The following SPOCK3 variants were observed in gnomAD, a reference collection of about 807,000 sequenced individuals.
SPOCK3 encodes the protein testican-3.
SPOCK3 carries 30 observed loss-of-function variants against 56.6 expected under a neutral mutation model. The ratio of observed to expected loss-of-function variants is 0.53; its 90% CI spans 0.40 to 0.72. The LOEUF is 0.72. Ranked by LOEUF, SPOCK3 falls within the 30% of genes least tolerant of loss-of-function variation. The probability of loss-of-function intolerance (pLI) is 0.00; values close to 1 mark genes in which losing one functional copy is unlikely to be tolerated. For synonymous variants in SPOCK3, 196 were observed against 183.3 expected (o/e 1.07, Z -0.56); for missense variants, 527 against 530.0 (o/e 0.99, Z 0.06).
chr4:166,872,959 G>A (rs1012448690), intron 6 of SPOCK3, among the ~76,000 whole-genome samples: 4 of 152,096 alleles, frequency 2.6e-5, no homozygotes, highest in Non-Finnish European at 4.4e-5. Context: ...AGGAACAGGG[G>A]AAGGCAGAGT....
chr4:167,014,441 C>CTCAA (rs1750402715), intron 3 of SPOCK3, among the ~76,000 whole-genome samples: 1 of 151,876 alleles, frequency 6.6e-6, no homozygotes, highest in Admixed American at 6.6e-5. Context: ...AGGCCTGGAG[C>CTCAA]TCAAGACTAG....
chr4:166,740,514 A>C (rs1734722728), intron 9 of SPOCK3, among the ~76,000 whole-genome samples: 1 of 62,454 alleles, frequency 1.6e-5, no homozygotes, highest in Admixed American at 1.4e-4. Flanking sequence ...TATTATTATT[A>C]TTATTATTAT....
At chr4:167,191,416 G>A (rs1389010291) in intron 2 of SPOCK3, among the ~76,000 whole-genome samples, 5 of 145,192 alleles carry the variant, frequency 3.4e-5, no homozygotes, top group African/African-American at 5.3e-5. Flanking sequence ...TCCAATCTAC[G>A]AATATATCCA....
intron 8 of SPOCK3, among the ~76,000 whole-genome samples, chr4:166,745,252 C>A (rs537437463): frequency 2.2e-5 from 3 of 135,244 alleles, no homozygotes; most frequent in African/African-American, 7.9e-5. Context: ...GGTCGGGTTA[C>A]CCACAAAGGG....
At chr4:166,988,223 A>G (rs1282424349) in intron 4 of SPOCK3, among the ~76,000 whole-genome samples, 1 of 152,072 alleles carries the variant, frequency 6.6e-6, no homozygotes, top group South Asian at 2.1e-4. Flanking sequence ...ACAATAATAA[A>G]AGCAAGAATA....
chr4:166,922,944 A>G (rs970734347), intron 4 of SPOCK3, among the ~76,000 whole-genome samples: 1 of 152,148 alleles, frequency 6.6e-6, no homozygotes, highest in Non-Finnish European at 1.5e-5. Context: ...GGGATGTGTT[A>G]GTTTCCCATG....
At chr4:167,119,832 T>G in intron 2 of SPOCK3, 1 of 1,534,506 alleles carries the variant, frequency 6.5e-7, no homozygotes, top group Non-Finnish European at 8.7e-7. Flanking sequence ...TGATCTTGTG[T>G]GATCATCACT....
At chr4:167,170,981 G>A (rs1305605947) in intron 2 of SPOCK3, among the ~76,000 whole-genome samples, 1 of 152,142 alleles carries the variant, frequency 6.6e-6, no homozygotes, top group Non-Finnish European at 1.5e-5. Flanking sequence ...GTGAGGAGAA[G>A]AGGATGGAAC....
intron 2 of SPOCK3, among the ~76,000 whole-genome samples, chr4:167,223,635 G>C (rs911511948): frequency 5.9e-5 from 9 of 151,730 alleles, no homozygotes; most frequent in South Asian, 4.1e-4. Flanking sequence ...ATTCCATATG[G>C]GGATATTACT....
chr4:166,854,711 C>T (rs1229534817), intron 6 of SPOCK3, among the ~76,000 whole-genome samples: 1 of 152,068 alleles, frequency 6.6e-6, no homozygotes. Flanking sequence ...GTTTCAGATA[C>T]AGCAAAACTG....
chr4:166,769,289 T>A (rs1054950539), intron 7 of SPOCK3, among the ~76,000 whole-genome samples: 2 of 152,190 alleles, frequency 1.3e-5, no homozygotes, highest in African/African-American at 4.8e-5. Context: ...TCAGCTTTTC[T>A]GCTCTGTTTT....
chr4:166,741,404 T>C (rs1401677111), intron 9 of SPOCK3, among the ~76,000 whole-genome samples: 1 of 152,240 alleles, frequency 6.6e-6, no homozygotes, highest in Non-Finnish European at 1.5e-5. Context: ...AAAAATAGTT[T>C]ATTTAAAAAT....
chr4:166,754,736 G>GC lies in SPOCK3; in HGVS notation c.710-8dup, dbSNP rs1268739316. 6.9e-6 allele frequency: 11 copies of GC among 1,604,400 alleles called. No homozygotes were observed. The highest frequency in any genetic ancestry group is 1.7e-5 in the Admixed American group (1 of 57,930). On this transcript the variant is annotated splice_region_variant and splice_polypyrimidine_tract_variant and intron_variant, in intron 7 of 10. Transcript: ENST00000357545. ...AAGATGCTGGTATCGAATCCTAAAG[G>GC]CAAAAAAAAGAAAATGATTAGTTAA...
chr4:166,864,142 C>T (rs1380754866), intron 6 of SPOCK3, among the ~76,000 whole-genome samples: 1 of 152,200 alleles, frequency 6.6e-6, no homozygotes, highest in East Asian at 1.9e-4. Flanking sequence ...CAAAACCACA[C>T]AACTACATGG....
At chr4:166,922,090 C>T (rs1278190512) in intron 4 of SPOCK3, among the ~76,000 whole-genome samples, 1 of 152,108 alleles carries the variant, frequency 6.6e-6, no homozygotes, top group Non-Finnish European at 1.5e-5. Context: ...ACGGCGGACA[C>T]GAGGGGTCTA....
intron 6 of SPOCK3, among the ~76,000 whole-genome samples, chr4:166,849,604 CAT>C (rs1748472194): frequency 2.0e-5 from 3 of 152,124 alleles, no homozygotes; most frequent in Admixed American, 2.0e-4. Context: ...TTGAAATACA[CAT>C]AACATAAAAT....
chr4:167,219,928 T>G (rs2111091859), intron 2 of SPOCK3, among the ~76,000 whole-genome samples: 1 of 152,296 alleles, frequency 6.6e-6, no homozygotes, highest in Admixed American at 6.5e-5. Context: ...GACTTCAAAA[T>G]ATATGTAGAC....
intron 4 of SPOCK3, among the ~76,000 whole-genome samples, chr4:166,974,996 GGTTA>G (rs1040352174): frequency 3.1e-4 from 47 of 152,026 alleles, no homozygotes; most frequent in African/African-American, 1.1e-3. Flanking sequence ...CATGGGTGTG[GGTTA>G]GTTATCATGA....
chr4:167,159,746 C>G (rs1305447737), intron 2 of SPOCK3, among the ~76,000 whole-genome samples: 1 of 152,106 alleles, frequency 6.6e-6, no homozygotes, highest in Non-Finnish European at 1.5e-5. Flanking sequence ...ATACGCAAAT[C>G]AATAAATGTA....
Sources: allele counts gnomAD v4.1 joint callset (sites outside exome capture counted in the v4.1 genomes callset), GRCh38; gene constraint gnomAD v4.1.1; transcripts MANE v1.5; gene names NCBI Gene and HGNC (gene_info 2026-07-23, HGNC 2026-07-21).